Variants in MYO6 observed in about 807,000 individuals in gnomAD.
The protein encoded by MYO6 is unconventional myosin-VI.
A neutral mutation model predicts 178.7 loss-of-function variants in MYO6; 74 were observed. The observed-to-expected ratio is 0.41, with a 90% CI of 0.34 to 0.50. The LOEUF (loss-of-function observed/expected upper bound fraction) is 0.50, where lower values mean the gene tolerates loss of function less well. Ranked by LOEUF, MYO6 falls within the 20% of genes least tolerant of loss-of-function variation. MYO6 has a pLI of 0.09. For missense variants in MYO6, 1,330 were observed against 1,547.4 expected, an observed-to-expected ratio of 0.86 and a Z score of 2.36; for synonymous variants, 477 against 504.6, an observed-to-expected ratio of 0.95 and a Z score of 0.73.
chr6:75,906,078 C>T (rs192401859), intron 30 of MYO6, among the ~76,000 whole-genome samples: 16 of 152,250 alleles, frequency 1.1e-4, no homozygotes, highest in African/African-American at 3.9e-4. Context: ...TTGATCAATC[C>T]TCTTTAAGAG....
In MYO6 at chr6:75,848,543, A is replaced by ATT. The variant is rs144408691; in HGVS notation, c.1078+18_1078+19dup. 6.8e-6 allele frequency: 11 copies of ATT among 1,609,832 alleles called. No individual in the cohort carries two copies. Among genetic ancestry groups the ATT allele is most frequent in the African/African-American group, 1.3e-5 (1 of 74,576 alleles). ...TGGCAGCACTTCAGGTTTGCTTTTTATTTTTTTAAGAGGAAAAAAATTAAA... is the reference window on the plus strand; with the variant it reads ...TGGCAGCACTTCAGGTTTGCTTTTTATTTTTTTTTAAGAGGAAAAAAATTAAA... On this transcript the variant is annotated intron_variant, in intron 11 of 34. Coordinates refer to ENST00000369977, the MANE Select transcript of MYO6 (RefSeq NM_004999.4).
chr6:75,892,667 C>T lies in MYO6; in HGVS notation c.3084C>T (p.Ala1028=). 1 of 1,612,428 alleles carries T rather than the reference C, an allele frequency of 6.2e-7. No individual in the cohort carries two copies. The highest frequency in any genetic ancestry group is 1.3e-5 in the African/African-American group (1 of 74,970). ...QSEAELISDE[A]QADLALRRND... ...AAGCCGAGCTCATCAGTGATGAGGCCCAGGCCGACCTGGCGCTGCGGAGGT... is the reference window on the plus strand; with the variant it reads ...AAGCCGAGCTCATCAGTGATGAGGCTCAGGCCGACCTGGCGCTGCGGAGGT... Residue 1028 remains alanine (A), a synonymous_variant, in exon 28 of 35, where the codon GCC becomes GCT. Coordinates refer to ENST00000369977, the MANE Select transcript of MYO6 (RefSeq NM_004999.4).
At chr6:75,872,825 G>C (rs113543250) in intron 19 of MYO6, among the ~76,000 whole-genome samples, 3,924 of 151,512 alleles carry the variant, frequency 0.026, 72 homozygotes, top group Non-Finnish European at 0.039. Context: ...TGTCACCCAG[G>C]CTGGAGTGCA....
intron 22 of MYO6, among the ~76,000 whole-genome samples, chr6:75,881,321 G>C (rs1399969761): frequency 6.6e-6 from 1 of 152,084 alleles, no homozygotes; most frequent in Non-Finnish European, 1.5e-5. Flanking sequence ...GCTCCATAAG[G>C]ATATCTGAGA....
At chr6:75,891,474 G>A (rs1007652012) in intron 27 of MYO6, among the ~76,000 whole-genome samples, 168 bp downstream of exon 27, 6 of 151,670 alleles carry the variant, frequency 4.0e-5, no homozygotes, top group East Asian at 3.9e-4. Context: ...CTACTTATAC[G>A]AAAACAAATT....
chr6:75,889,576 T>G (rs1778740000), intron 25 of MYO6, among the ~76,000 whole-genome samples: 1 of 152,084 alleles, frequency 6.6e-6, no homozygotes, highest in Non-Finnish European at 1.5e-5. Flanking sequence ...CCCAGCTAAT[T>G]TTTGTATTTT....
At chr6:75,893,257 T>C (rs1014866580) in intron 28 of MYO6, among the ~76,000 whole-genome samples, 2 of 152,200 alleles carry the variant, frequency 1.3e-5, no homozygotes, top group African/African-American at 4.8e-5. Context: ...CACTCCACTA[T>C]AGTGGAGTGT....
chr6:75,750,812 T>G (rs1776824549), intron 1 of MYO6, among the ~76,000 whole-genome samples: 1 of 150,962 alleles, frequency 6.6e-6, no homozygotes, highest in Non-Finnish European at 1.5e-5. Context: ...ACTCCTGACC[T>G]CAGGTGATCC....
intron 20 of MYO6, among the ~76,000 whole-genome samples, chr6:75,879,194 A>C (rs1218082353): frequency 6.6e-6 from 1 of 152,164 alleles, no homozygotes; most frequent in Non-Finnish European, 1.5e-5. Flanking sequence ...TTTGTGACAC[A>C]GAGTCTTCTA....
At chr6:75,790,373 CCTT>C (rs1768097989) in intron 1 of MYO6, among the ~76,000 whole-genome samples, 1 of 151,284 alleles carries the variant, frequency 6.6e-6, no homozygotes, top group Non-Finnish European at 1.5e-5. Context: ...GTATCTCTCT[CCTT>C]TTTTTTTTTT....
intron 1 of MYO6, among the ~76,000 whole-genome samples, chr6:75,805,198 A>T (rs1769947408): frequency 1.3e-5 from 2 of 150,792 alleles, no homozygotes; most frequent in South Asian, 4.2e-4. Context: ...TAATTTTTGT[A>T]TTTTTAGGAG....
In MYO6 at chr6:75,857,101, C is replaced by A. The variant is rs1775785502; in HGVS notation, c.1228C>A (p.Pro410Thr). ...TAGCATAGTTTTCTTTTATAGGGTACCTCTGAAAGTGGAGCAAGCAAACAA... is the reference window on the plus strand; with the variant it reads ...TAGCATAGTTTTCTTTTATAGGGTAACTCTGAAAGTGGAGCAAGCAAACAA... ...GGTKGTVIKV[P>T]LKVEQANNAR... Residue 410 changes from proline (P) to threonine (T), a missense_variant, in exon 13 of 35, where the codon CCT becomes ACT. Around this residue, in one of 3 missense-constraint regions of MYO6, gnomAD observed 613 missense variants for 816.8 expected, o/e 0.75. Coordinates refer to ENST00000369977, the MANE Select transcript of MYO6 (RefSeq NM_004999.4). 8.1e-6 allele frequency: 13 copies of A among 1,613,812 alleles called. No homozygotes were observed. The highest frequency in any genetic ancestry group is 1.1e-5 in the Non-Finnish European group (13 of 1,179,874).
intron 1 of MYO6, among the ~76,000 whole-genome samples, chr6:75,751,601 T>A (rs1474982702): frequency 6.6e-6 from 1 of 152,194 alleles, no homozygotes; most frequent in African/African-American, 2.4e-5. Flanking sequence ...CTGTTTATGT[T>A]TACGTGGTCA....
At chr6:75,907,565 G>A (rs1469896131) in intron 30 of MYO6, 40 bp from the exon 31 acceptor site, 1 of 1,489,614 alleles carries the variant, frequency 6.7e-7, no homozygotes, top group African/African-American at 1.4e-5. Flanking sequence ...TTTTCTTCAT[G>A]TTTCTGGTTT....
intron 7 of MYO6, among the ~76,000 whole-genome samples, chr6:75,838,648 G>GTT (rs113038679): frequency 8.0e-5 from 11 of 137,232 alleles, no homozygotes; most frequent in Admixed American, 2.9e-4. Context: ...GTTGACCATG[G>GTT]TTTTTTTTTT....
At chr6:75,776,653 A>AGTGTGTGTGTGTGTGTGT (rs35830759) in intron 1 of MYO6, among the ~76,000 whole-genome samples, 5 of 144,660 alleles carry the variant, frequency 3.5e-5, no homozygotes, top group African/African-American at 1.3e-4. Flanking sequence ...AGAAACGTGC[A>AGTGTGTGTGTGTGTGTGT]GTGTGTGTGT....
rs1393725787 is a variant in MYO6, at chr6:75,892,539, G to A, written c.2956G>A (p.Glu986Lys). The change falls in exon 28 of 35, where the codon GAG (glutamate) becomes AAG (lysine). Residue 986 changes from glutamate (E) to lysine (K), a missense_variant. This residue lies in a region of MYO6 where 601 missense variants were observed against 626.1 expected (regional missense o/e 0.96). Coordinates refer to ENST00000369977, the MANE Select transcript of MYO6 (RefSeq NM_004999.4). ...DDEKRIQAEV[E>K]AQLARQKEEE... ...TTTCTGCCCTTGTCAGGCTGAAGTG[G>A]AGGCACAGCTGGCCCGACAGAAGGA... 1 of 1,613,996 alleles carries A rather than the reference G, an allele frequency of 6.2e-7. No homozygotes were observed. The highest frequency in any genetic ancestry group is 2.2e-5 in the East Asian group (1 of 44,882).
intron 12 of MYO6, among the ~76,000 whole-genome samples, chr6:75,855,744 A>G (rs1043835779): frequency 6.6e-6 from 1 of 152,192 alleles, no homozygotes; most frequent in African/African-American, 2.4e-5. Context: ...TTTAAAAATC[A>G]GTAACCAAGA....
In MYO6 at chr6:75,857,202, T is replaced by C. The variant is rs1775793387; in HGVS notation, c.1329T>C (p.Phe443=). 6.2e-7 allele frequency: 1 copy of C among 1,614,052 alleles called. No homozygotes were observed. Among genetic ancestry groups the C allele is most frequent in the South Asian group, 1.1e-5 (1 of 91,084 alleles). ...DHVVNRVNQC[F]PFETSSYFIG... ...TGGTAAACAGAGTAAATCAGTGTTT[T>C]CCTTTTGAAACATCATCCTATTTTA... is the stretch of plus-strand genomic sequence containing the variant. Residue 443 remains phenylalanine, a synonymous_variant, in exon 13 of 35, where the codon TTT becomes TTC. Transcript: ENST00000369977.
Sources: gnomAD v4.1 joint callset for allele counts (sites outside exome capture counted in the v4.1 genomes callset) on GRCh38, gnomAD v4.1.1 for gene constraint, gnomAD v4.1.1 regional missense constraint, MANE v1.5 for transcripts, NCBI Gene and HGNC (gene_info 2026-07-23, HGNC 2026-07-21) for gene names.